DLEC1: variants seen among roughly 807,000 people sequenced by gnomAD.
The protein encoded by DLEC1 is deleted in lung and esophageal cancer protein 1.
DLEC1 carries 146 observed loss-of-function variants against 198.1 expected under a neutral mutation model. The observed-to-expected ratio is 0.74, with a 90% confidence interval of 0.64 to 0.85. The LOEUF (loss-of-function observed/expected upper bound fraction) is 0.85. DLEC1 is among the 40% of genes least tolerant of loss of function. The probability of loss-of-function intolerance (pLI) is 0.00; values close to 1 mark genes in which losing one functional copy is unlikely to be tolerated. For synonymous variants in DLEC1, 897 were observed against 866.8 expected, an observed-to-expected ratio of 1.03 and a Z score of -0.61; for missense variants, 2,233 against 2,220.0, an observed-to-expected ratio of 1.01 and a Z score of -0.12.
chr3:38,086,658 G>A (rs574793277), intron 9 of DLEC1, among the ~76,000 whole-genome samples: 1 of 152,328 alleles, frequency 6.6e-6, no homozygotes, highest in South Asian at 2.1e-4. Flanking sequence ...CACTCATTCA[G>A]TCCTTCTTTA....
chr3:38,101,128 T>C (rs1699284592), intron 19 of DLEC1, among the ~76,000 whole-genome samples: 1 of 152,140 alleles, frequency 6.6e-6, no homozygotes, highest in Admixed American at 6.5e-5. Context: ...CCTATCTCCT[T>C]CTCCCCACTC....
Position 38,122,441 on chromosome 3 carries a change from C to T in DLEC1, c.*29C>T. 6.2e-7 allele frequency: 1 copy of T among 1,614,088 alleles called. No homozygotes were observed. Among genetic ancestry groups the T allele is most frequent in the Non-Finnish European group, 8.5e-7 (1 of 1,180,014 alleles). On this transcript the variant is annotated 3_prime_UTR_variant, in exon 37 of 37. Transcript: ENST00000308059. Reference sequence around the variant, plus strand: ...TCCGCCCCAGCCCTCAGCCCCAGGCCCCAGCTGGAGAAAAAACATTGCCCA... The same window carrying T: ...TCCGCCCCAGCCCTCAGCCCCAGGCTCCAGCTGGAGAAAAAACATTGCCCA...
chr3:38,122,006 A>G, intron 35 of DLEC1, 65 bp from the exon 36 acceptor site: 1 of 1,593,540 alleles, frequency 6.3e-7, no homozygotes, highest in Non-Finnish European at 8.6e-7. Context: ...GGGGTGGGTA[A>G]AGTCTTCCTG....
At chr3:38,122,041 C>G (rs2125757020) in intron 35 of DLEC1, 30 bp from the exon 36 acceptor site, 1 of 1,611,432 alleles carries the variant, frequency 6.2e-7, no homozygotes, top group African/African-American at 1.3e-5. Context: ...GCTGCCTGCA[C>G]TCATGTGTCT....
intron 3 of DLEC1, among the ~76,000 whole-genome samples, chr3:38,061,571 G>A (rs1312549016): frequency 6.6e-6 from 1 of 152,170 alleles, no homozygotes; most frequent in Non-Finnish European, 1.5e-5. Flanking sequence ...TCATGTATGG[G>A]GTATGTGTAC....
At chr3:38,056,669 G>GA (rs1696389666) in intron 2 of DLEC1, among the ~76,000 whole-genome samples, 1 of 152,144 alleles carries the variant, frequency 6.6e-6, no homozygotes, top group South Asian at 2.1e-4. Context: ...AGGCTGCTCT[G>GA]CCTATGGAGT....
At chr3:38,069,109 GT>G (rs1697180672) in intron 6 of DLEC1, among the ~76,000 whole-genome samples, 1 of 152,140 alleles carries the variant, frequency 6.6e-6, no homozygotes, top group African/African-American at 2.4e-5. Context: ...ATGAAAAAGT[GT>G]TTATCTTTGG....
At position 38,122,391 on chromosome 3, in the gene DLEC1, C is replaced by T; in HGVS notation, c.5247C>T (p.Tyr1749=). 1 of 1,614,180 alleles carries T rather than the reference C, an allele frequency of 6.2e-7. No homozygotes were observed. Among genetic ancestry groups the T allele is most frequent in the Non-Finnish European group, 8.5e-7 (1 of 1,180,034 alleles). ...LRGQGSYDER[Y]MLPHQP is the part of the protein sequence containing the mutation. ...GCCAAGGCTCCTATGATGAGAGATACATGTTGCCTCACCAGCCCTGAGGCT... is the reference window on the plus strand; with the variant it reads ...GCCAAGGCTCCTATGATGAGAGATATATGTTGCCTCACCAGCCCTGAGGCT... The change falls in exon 37 of 37, where the codon TAC becomes TAT. Residue 1749 remains tyrosine, a synonymous_variant. Transcript: ENST00000308059.
chr3:38,059,989 G>A (rs1696596388), intron 3 of DLEC1, 137 bp downstream of exon 3: 2 of 738,950 alleles, frequency 2.7e-6, no homozygotes, highest in Non-Finnish European at 4.4e-6. Context: ...TGACTGTTGG[G>A]AAAGTCAAAT....
intron 20 of DLEC1, among the ~76,000 whole-genome samples, 197 bp downstream of exon 20, chr3:38,107,934 G>A (rs1169642201): frequency 6.6e-6 from 1 of 152,202 alleles, no homozygotes; most frequent in Admixed American, 6.5e-5. Flanking sequence ...TTCTTGCCCT[G>A]CCTCTAGGGA....
At chr3:38,114,112 A>C (rs1700025971) in intron 25 of DLEC1, among the ~76,000 whole-genome samples, 1 of 141,942 alleles carries the variant, frequency 7.0e-6, no homozygotes, top group Non-Finnish European at 1.6e-5. Context: ...GTGTCTACTA[A>C]AAAAAAAAAA....
chr3:38,074,090 C>G (rs1697470629), intron 6 of DLEC1, among the ~76,000 whole-genome samples: 1 of 152,226 alleles, frequency 6.6e-6, no homozygotes, highest in Non-Finnish European at 1.5e-5. Flanking sequence ...GCAGGCATTC[C>G]TTGGCCTAGT....
intron 19 of DLEC1, among the ~76,000 whole-genome samples, chr3:38,106,886 G>C (rs1015378027): frequency 1.3e-5 from 2 of 151,042 alleles, no homozygotes. Flanking sequence ...AATACCTTCA[G>C]CCGTTCAGAC....
intron 1 of DLEC1, among the ~76,000 whole-genome samples, chr3:38,044,519 T>C (rs1281581110): frequency 6.6e-6 from 1 of 151,654 alleles, no homozygotes; most frequent in Non-Finnish European, 1.5e-5. Context: ...GCCAAGGCCA[T>C]GCCATTGCAC....
chr3:38,111,546 C>A, intron 23 of DLEC1, 131 bp from the exon 24 acceptor site: 1 of 852,994 alleles, frequency 1.2e-6, no homozygotes, highest in East Asian at 3.0e-5. Flanking sequence ...CAGCTCTCCC[C>A]TGGGAAGAGC....
At chr3:38,076,068 AC>A (rs1186162656) in intron 6 of DLEC1, among the ~76,000 whole-genome samples, 1 of 152,182 alleles carries the variant, frequency 6.6e-6, no homozygotes, top group African/African-American at 2.4e-5. Flanking sequence ...TTTTGGGTCC[AC>A]GGATAAAACA....
chr3:38,050,486 A>T (rs1177551714), intron 2 of DLEC1, among the ~76,000 whole-genome samples: 1 of 151,880 alleles, frequency 6.6e-6, no homozygotes, highest in Non-Finnish European at 1.5e-5. Context: ...GCTTCCACTC[A>T]TGGGGGAAGG....
chr3:38,113,872 T>C (rs1700011594), intron 25 of DLEC1, among the ~76,000 whole-genome samples: 2 of 152,140 alleles, frequency 1.3e-5, no homozygotes, highest in Admixed American at 6.5e-5. Flanking sequence ...CACACTCTTA[T>C]ATTTTCTAAA....
Position 38,095,029 on chromosome 3 carries a change from C to T in DLEC1, c.2070C>T (p.Pro690=). Residue 690 remains proline (P), a synonymous_variant, in exon 13 of 37, where the codon CCC becomes CCT. Transcript: ENST00000308059. The part of the protein sequence containing the change: ...SIMPRKGVLS[P]HTDHEFILSF... Reference sequence around the variant, plus strand: ...TGCCCAGAAAGGGGGTTCTAAGCCCCCACACAGACCACGAGTTCATCCTGA... The same window carrying T: ...TGCCCAGAAAGGGGGTTCTAAGCCCTCACACAGACCACGAGTTCATCCTGA... 6.2e-7 allele frequency: 1 copy of T among 1,614,224 alleles called. No homozygotes were observed. Among genetic ancestry groups the T allele is most frequent in the Non-Finnish European group, 8.5e-7 (1 of 1,180,038 alleles).
Sources: allele counts gnomAD v4.1 joint callset (sites outside exome capture counted in the v4.1 genomes callset), GRCh38; gene constraint gnomAD v4.1.1; transcripts MANE v1.5; gene names NCBI Gene and HGNC (gene_info 2026-07-23, HGNC 2026-07-21).